SPOCK1: variants seen among roughly 807,000 people sequenced by gnomAD.
SPOCK1 encodes SPARC (osteonectin), cwcv and kazal like domains proteoglycan 1, also known as testican-1.
Under a neutral mutation model 55.3 loss-of-function variants are expected in SPOCK1, and 23 were observed. That is an observed-to-expected ratio of 0.42 (90% CI 0.30 to 0.59). The LOEUF (loss-of-function observed/expected upper bound fraction) is 0.59. SPOCK1 is among the 20% of genes least tolerant of loss of function. The pLI is 0.22. For missense variants in SPOCK1, 499 were observed against 552.5 expected, an observed-to-expected ratio of 0.90 and a Z score of 0.97; for synonymous variants, 226 against 221.0, an observed-to-expected ratio of 1.02 and a Z score of -0.20.
rs910838225 is a variant in SPOCK1, at chr5:137,396,560, C to T, written c.186+101813G>A. ...ACTGGATTAGGTATGAGACTGGAGACGCCTGCCTAGTGCACCTGCTGCACC... is the reference window on the plus strand; with the variant it reads ...ACTGGATTAGGTATGAGACTGGAGATGCCTGCCTAGTGCACCTGCTGCACC... On this transcript the variant is annotated intron_variant, in intron 2 of 10. Transcript: ENST00000394945. 1.7e-4 allele frequency among the ~76,000 whole-genome samples: 26 copies of T among 152,174 alleles called. 1 individual carries two copies. Among genetic ancestry groups the T allele is most frequent in the African/African-American group, 5.8e-4 (24 of 41,434 alleles).
At chr5:137,368,648 C>T (rs1751129247) in intron 2 of SPOCK1, among the ~76,000 whole-genome samples, 1 of 152,110 alleles carries the variant, frequency 6.6e-6, no homozygotes, top group African/African-American at 2.4e-5. Context: ...GTTTAGAACC[C>T]CTGTCATTAT....
At chr5:137,063,669 T>C (rs1021097558) in intron 6 of SPOCK1, among the ~76,000 whole-genome samples, 1 of 152,168 alleles carries the variant, frequency 6.6e-6, no homozygotes, top group South Asian at 2.1e-4. Context: ...CTCTCCATAA[T>C]TCTCCCCATC....
At chr5:137,207,483 T>A (rs1755539611) in intron 3 of SPOCK1, among the ~76,000 whole-genome samples, 1 of 152,250 alleles carries the variant, frequency 6.6e-6, no homozygotes, top group Non-Finnish European at 1.5e-5. Flanking sequence ...AGGCTTCAGT[T>A]GCAACACTGC....
intron 4 of SPOCK1, among the ~76,000 whole-genome samples, chr5:137,134,536 C>T (rs1753944755): frequency 6.6e-6 from 1 of 152,190 alleles, no homozygotes; most frequent in African/African-American, 2.4e-5. Context: ...AATGCATGAG[C>T]CACTTGGAGA....
chr5:137,146,600 A>G (rs6886267), intron 3 of SPOCK1, among the ~76,000 whole-genome samples: 2,878 of 152,316 alleles, frequency 0.019, 95 homozygotes, highest in African/African-American at 0.065. Context: ...GAGCAGGAAC[A>G]TTTATTGCAG....
chr5:137,335,858 T>C (rs1750262522), intron 2 of SPOCK1, among the ~76,000 whole-genome samples: 1 of 152,214 alleles, frequency 6.6e-6, no homozygotes, highest in African/African-American at 2.4e-5. Context: ...TGAACTACAT[T>C]ATAAAGCATG....
intron 2 of SPOCK1, among the ~76,000 whole-genome samples, chr5:137,453,956 T>C (rs1279781016): frequency 1.3e-5 from 2 of 151,978 alleles, no homozygotes; most frequent in African/African-American, 4.8e-5. Flanking sequence ...CATGGATAAA[T>C]GCAAATGCAT....
chr5:137,023,960 A>ATCT (rs1751620353), intron 6 of SPOCK1, among the ~76,000 whole-genome samples: 1 of 129,908 alleles, frequency 7.7e-6, no homozygotes, highest in South Asian at 2.4e-4. Context: ...TCAATATAGT[A>ATCT]TTTTTTTTTT....
At position 136,976,130 on chromosome 5, in the gene SPOCK1, C is replaced by T. The variant is rs1429369230; in HGVS notation, c.*2524G>A. On this transcript the variant is annotated 3_prime_UTR_variant, in exon 11 of 11. Transcript: ENST00000394945. ...CATTCTACTTCTAAGGATAAGGTAA[C>T]TCATTACAATCTTTAGTACTCATGG... 5 of 152,226 alleles carry T rather than the reference C, an allele frequency of 3.3e-5. No individual in the cohort carries two copies. Among genetic ancestry groups the T allele is most frequent in the African/African-American group, 9.6e-5 (4 of 41,536 alleles). 9.4% of individuals were successfully genotyped at this position (152,226 alleles called of 1,614,324 possible). A position where few individuals can be genotyped will look rare whatever the true frequency, so the allele number is the denominator to read the frequency against.
intron 3 of SPOCK1, among the ~76,000 whole-genome samples, chr5:137,152,988 ATCCAGTTGAAGC>A (rs1018648334): frequency 6.6e-6 from 1 of 152,224 alleles, no homozygotes; most frequent in Non-Finnish European, 1.5e-5. Context: ...AGTCTGCTAA[ATCCAGTTGAAGC>A]TCCAAGAGAC....
At chr5:137,016,467 C>T (rs752134725) in intron 6 of SPOCK1, among the ~76,000 whole-genome samples, 11 of 152,190 alleles carry the variant, frequency 7.2e-5, no homozygotes, top group Non-Finnish European at 1.2e-4. Flanking sequence ...ATTCAAATGG[C>T]ATTTCCCAAA....
intron 4 of SPOCK1, among the ~76,000 whole-genome samples, chr5:137,132,021 A>ATATATATATATAT (rs1561621235): frequency 2.0e-4 from 14 of 68,516 alleles, no homozygotes; most frequent in African/African-American, 3.4e-4. Flanking sequence ...TATATATATA[A>ATATATATATATAT]AAAATTAGCT....
chr5:137,021,468 A>C (rs1751570163), intron 6 of SPOCK1, among the ~76,000 whole-genome samples: 1 of 152,214 alleles, frequency 6.6e-6, no homozygotes, highest in Admixed American at 6.5e-5. Flanking sequence ...TTGGAAATTA[A>C]TGGCAATAAT....
At chr5:137,488,668 C>T (rs1488705567) in intron 2 of SPOCK1, among the ~76,000 whole-genome samples, 1 of 152,154 alleles carries the variant, frequency 6.6e-6, no homozygotes. Context: ...AAGTAGAGGC[C>T]TCTGCTCTCT....
chr5:137,215,221 A>T (rs926458006), intron 3 of SPOCK1, among the ~76,000 whole-genome samples: 1 of 152,232 alleles, frequency 6.6e-6, no homozygotes, highest in African/African-American at 2.4e-5. Flanking sequence ...GAAAACAGGT[A>T]TATTCCTTCC....
At chr5:137,313,485 C>T (rs10043635) in intron 2 of SPOCK1, 209,382 of 985,016 alleles carry the variant, frequency 0.21, 22,526 homozygotes, top group East Asian at 0.27. Context: ...ACCTGTGACA[C>T]CCACCCAAAA....
chr5:137,496,116 C>T (rs1754294645), intron 2 of SPOCK1, among the ~76,000 whole-genome samples: 1 of 152,050 alleles, frequency 6.6e-6, no homozygotes, highest in Admixed American at 6.5e-5. Context: ...TATCTAAAGG[C>T]AGTATTTCCT....
chr5:137,190,322 T>C (rs1755155828), intron 3 of SPOCK1, among the ~76,000 whole-genome samples: 1 of 152,158 alleles, frequency 6.6e-6, no homozygotes. Context: ...ATTTTTAAAA[T>C]CTGCCACAGC....
chr5:137,205,437 A>C (rs1755501636), intron 3 of SPOCK1, among the ~76,000 whole-genome samples: 1 of 152,220 alleles, frequency 6.6e-6, no homozygotes, highest in Non-Finnish European at 1.5e-5. Context: ...CAGGAAATGA[A>C]TAATTGGACT....
Sources: gnomAD v4.1 joint callset for allele counts (sites outside exome capture counted in the v4.1 genomes callset) on GRCh38, gnomAD v4.1.1 for gene constraint, MANE v1.5 for transcripts, NCBI Gene and HGNC (gene_info 2026-07-23, HGNC 2026-07-21) for gene names.